Variants in SMARCD1 observed in about 807,000 individuals in gnomAD.
The protein encoded by SMARCD1 is SWI/SNF related BAF chromatin remodeling complex subunit D1, also known as SWI/SNF-related matrix-associated actin-dependent regulator of chromatin subfamily D member 1.
In SMARCD1, 16 loss-of-function variants were observed where a neutral mutation model predicts 70.8. That is an observed-to-expected ratio of 0.23 (90% CI 0.15 to 0.34). The LOEUF (loss-of-function observed/expected upper bound fraction) is 0.34. Ranked by LOEUF, SMARCD1 falls within the 10% of genes least tolerant of loss-of-function variation. SMARCD1 has a pLI of 1.00. For missense variants in SMARCD1, 409 were observed against 655.5 expected (o/e 0.62, Z 4.11); for synonymous variants, 249 against 246.0 (o/e 1.01, Z -0.11).
intron 10 of SMARCD1, 41 bp downstream of exon 10, chr12:50,094,613 C>G (rs1220137813): frequency 1.3e-6 from 2 of 1,589,486 alleles, no homozygotes. Context: ...CCACCAGCCC[C>G]TATCACAGCT....
In SMARCD1 at chr12:50,099,971, A is replaced by T. The variant is rs1211734728; in HGVS notation, c.*971A>T. 2 of 152,678 alleles carry T rather than the reference A, an allele frequency of 1.3e-5. No homozygotes were observed. The highest frequency in any genetic ancestry group is 4.8e-5 in the African/African-American group (2 of 41,438). The allele number at this position is 152,678 out of a possible 1,614,324, so 9.5% of individuals were successfully genotyped here. Reference sequence around the variant, plus strand: ...CAGTTGACACCTACTGGTGACTTCTAGGGCACTGAGGAGTGAAAGCGCCTA... The same window carrying T: ...CAGTTGACACCTACTGGTGACTTCTTGGGCACTGAGGAGTGAAAGCGCCTA... On this transcript the variant is annotated 3_prime_UTR_variant, in exon 13 of 13. Coordinates refer to ENST00000394963, the MANE Select transcript of SMARCD1 (RefSeq NM_003076.5).
rs1192299426 is a variant in SMARCD1, at chr12:50,094,508, C to A, written c.1205C>A (p.Thr402Asn). The A allele has an allele frequency of 6.2e-7, 1 of 1,613,844 alleles. No homozygotes were observed. The highest frequency in any genetic ancestry group is 1.1e-5 in the South Asian group (1 of 91,078). ...IDVEVDDTLK[T>N]QMNSFLLSTA... ...GTTGAAGTGGATGACACCTTGAAGA[C>A]CCAGATGAATTCTTTTCTGCTGTCC... is the stretch of plus-strand genomic sequence containing the variant. Residue 402 changes from threonine (T) to asparagine (N), a missense_variant, in exon 10 of 13, where the codon ACC becomes AAC. Physicochemically the swap from Thr to Asn is moderately conservative, Grantham distance 65. Around this residue, in one of 2 missense-constraint regions of SMARCD1, gnomAD observed 269 missense variants for 498.6 expected, o/e 0.54. Coordinates refer to ENST00000394963, the MANE Select transcript of SMARCD1 (RefSeq NM_003076.5).
In SMARCD1 at chr12:50,100,364, A is replaced by C. The variant is rs1321764425; in HGVS notation, c.*1364A>C. ...TCCTGCGAGCACACCCCCACCCCCA[A>C]ATCCCTCCCTGTTCTACACTGGGGA... On this transcript the variant is annotated 3_prime_UTR_variant, in exon 13 of 13. Coordinates refer to ENST00000394963, the MANE Select transcript of SMARCD1 (RefSeq NM_003076.5). The C allele has an allele frequency of 7.4e-6, 1 of 134,924 alleles. No individual in the cohort carries two copies. 8.4% of individuals were successfully genotyped at this position (134,924 alleles called of 1,614,324 possible).
chr12:50,095,768 G>A (rs1303687620), intron 10 of SMARCD1, among the ~76,000 whole-genome samples: 1 of 152,222 alleles, frequency 6.6e-6, no homozygotes, highest in African/African-American at 2.4e-5. Flanking sequence ...AGAGCCTGGT[G>A]TCTTAAAGAA....
chr12:50,096,957 G>C lies in SMARCD1; in HGVS notation c.1377G>C (p.Gln459His). Reference protein sequence around the residue: ...QGFINDWLQSQCRDLKTMTDV... With the variant: ...QGFINDWLQSHCRDLKTMTDV... ...TCATCAATGACTGGCTTCAGTCCCA[G>C]TGCAGGGACCTCAAGGTAAAGAACC... Residue 459 changes from glutamine to histidine, a missense_variant, in exon 11 of 13, where the codon CAG (glutamine) becomes CAC (histidine). Physicochemically the swap from Gln to His is conservative, Grantham distance 24 (BLOSUM62 0). Around this residue, in one of 2 missense-constraint regions of SMARCD1, gnomAD observed 269 missense variants for 498.6 expected, o/e 0.54. Coordinates refer to ENST00000394963, the MANE Select transcript of SMARCD1 (RefSeq NM_003076.5). 1 of 1,613,832 alleles carries C rather than the reference G, an allele frequency of 6.2e-7. No individual in the cohort carries two copies. The highest frequency in any genetic ancestry group is 8.5e-7 in the Non-Finnish European group (1 of 1,179,790).
In SMARCD1 at chr12:50,099,248, C is replaced by T. The variant is rs1950919022; in HGVS notation, c.*248C>T. The stretch of plus-strand genomic sequence containing the variant: ...TGTGCCTGTACCCTCCCCTGGTCTA[C>T]ATAGGACCTCTAGATAGTGTTAGAG... On this transcript the variant is annotated 3_prime_UTR_variant, in exon 13 of 13. Transcript: ENST00000394963. 31 of 606,110 alleles carry T rather than the reference C, an allele frequency of 5.1e-5. 2 individuals are homozygous for T. The South Asian group carries it at 5.5e-4, about 11-fold the overall frequency. The allele number at this position is 606,110 out of a possible 1,614,324, so 37.5% of individuals were successfully genotyped here.
chr12:50,086,234 A>C lies in SMARCD1; in HGVS notation c.251A>C (p.Asn84Thr), dbSNP rs372851900. ...ATGGGACCCCCTGGCTATGGGGGGA[A>C]CCCTTCAGTCCGACCTGGCCTGGCC... ...PSMGPPGYGG[N>T]PSVRPGLAQS... Residue 84 changes from asparagine (N) to threonine (T), a missense_variant, in exon 2 of 13, where the codon AAC becomes ACC. Physicochemically the swap from Asn to Thr is moderately conservative, Grantham distance 65. This residue lies in a region of SMARCD1 where 140 missense variants were observed against 156.9 expected (regional missense o/e 0.89). Transcript: ENST00000394963. The C allele has an allele frequency of 6.2e-7, 1 of 1,612,448 alleles. No homozygotes were observed. Among genetic ancestry groups the C allele is most frequent in the South Asian group, 1.1e-5 (1 of 90,946 alleles).
intron 9 of SMARCD1, among the ~76,000 whole-genome samples, chr12:50,093,348 G>T (rs563384077): frequency 4.6e-5 from 7 of 151,816 alleles, no homozygotes; most frequent in Admixed American, 3.9e-4. Flanking sequence ...ACCACTTTTT[G>T]TATTGAGGTT....
Position 50,088,586 on chromosome 12 carries a change from G to A in SMARCD1, c.720G>A (p.Leu240=), listed in dbSNP as rs1328209015. ...AGTTCTCTTCCTTTTTTAAGTCCTT[G>A]GTGATTGAACTGGACAAAGACCTGT... The part of the protein sequence containing the change: ...KRKFSSFFKS[L]VIELDKDLYG... Residue 240 remains leucine (L), a synonymous_variant, in exon 6 of 13, where the codon TTG becomes TTA. Transcript: ENST00000394963. The A allele has an allele frequency of 6.2e-7, 1 of 1,611,900 alleles. No individual in the cohort carries two copies. Among genetic ancestry groups the A allele is most frequent in the Non-Finnish European group, 8.5e-7 (1 of 1,178,540 alleles).
chr12:50,086,046 C>T lies in SMARCD1; in HGVS notation c.178-115C>T, dbSNP rs139261655. On this transcript the variant is annotated intron_variant, in intron 1 of 12. Coordinates refer to ENST00000394963, the MANE Select transcript of SMARCD1 (RefSeq NM_003076.5). ...AAAGGGTTCTCCTCTCATTGTCCTCCATTCCATCCCTAAACCTTACTTCAT... is the reference window on the plus strand; with the variant it reads ...AAAGGGTTCTCCTCTCATTGTCCTCTATTCCATCCCTAAACCTTACTTCAT... The T allele has an allele frequency of 2.1e-3, 1,539 of 743,880 alleles. 13 individuals are homozygous for T. In the African/African-American group the frequency reaches 0.024, roughly 12 times the overall value. The allele number at this position is 743,880 out of a possible 1,614,324, so 46.1% of individuals were successfully genotyped here.
intron 10 of SMARCD1, among the ~76,000 whole-genome samples, chr12:50,096,223 T>C (rs76895947): frequency 0.013 from 1,908 of 152,160 alleles, 37 homozygotes; most frequent in African/African-American, 0.044. Context: ...GAGAAGGAAA[T>C]GTTATGATGC....
chr12:50,090,508 C>T lies in SMARCD1; in HGVS notation c.1051C>T (p.Arg351Cys), dbSNP rs1253128772. The change falls in exon 9 of 13, where the codon CGT becomes TGT. Residue 351 changes from arginine (R) to cysteine (C), a missense_variant. Physicochemically the swap from Arg to Cys is radical, Grantham distance 180. Transcript: ENST00000394963. ...TTTGCTACAGATCTTTGAGTCTCAACGTATGAAGTTTTCAGAGATCCCTCA... is the reference window on the plus strand; with the variant it reads ...TTTGCTACAGATCTTTGAGTCTCAATGTATGAAGTTTTCAGAGATCCCTCA... ...KYLQQIFESQRMKFSEIPQRL... is the reference protein window; with the variant it reads ...KYLQQIFESQCMKFSEIPQRL... 2 of 1,614,016 alleles carry T rather than the reference C, an allele frequency of 1.2e-6. No homozygotes were observed. Among genetic ancestry groups the T allele is most frequent in the African/African-American group, 1.3e-5 (1 of 75,050 alleles).
Position 50,097,502 on chromosome 12 carries a change from A to C in SMARCD1, c.1392+530A>C, listed in dbSNP as rs550245041. Reference sequence around the variant, plus strand: ...AGGAAGCAGAGGTTGCAGTGAGCCAAGATCGTGCCGCTGCACTCCAGCCTG... The same window carrying C: ...AGGAAGCAGAGGTTGCAGTGAGCCACGATCGTGCCGCTGCACTCCAGCCTG... On this transcript the variant is annotated intron_variant, in intron 11 of 12. Coordinates refer to ENST00000394963, the MANE Select transcript of SMARCD1 (RefSeq NM_003076.5). Among the ~76,000 whole-genome samples, 34 of 152,204 alleles carry C rather than the reference A, an allele frequency of 2.2e-4. No individual in the cohort carries two copies. The South Asian group carries it at 3.7e-3, about 17-fold the overall frequency.
intron 9 of SMARCD1, among the ~76,000 whole-genome samples, chr12:50,091,057 G>A (rs1000071579): frequency 7.9e-5 from 12 of 151,632 alleles, no homozygotes; most frequent in African/African-American, 2.9e-4. Context: ...ATCTGACCTC[G>A]TGATCTGCCC....
In SMARCD1 at chr12:50,088,579, A is replaced by C; in HGVS notation, c.713A>C (p.Lys238Thr). Residue 238 changes from lysine (K) to threonine (T), a missense_variant, in exon 6 of 13, where the codon AAG becomes ACG. Lys to Thr is a moderately conservative substitution (Grantham distance 78). Around this residue, in one of 2 missense-constraint regions of SMARCD1, gnomAD observed 269 missense variants for 498.6 expected, o/e 0.54. Coordinates refer to ENST00000394963, the MANE Select transcript of SMARCD1 (RefSeq NM_003076.5). ...AAGAGGAAGTTCTCTTCCTTTTTTAAGTCCTTGGTGATTGAACTGGACAAA... is the reference window on the plus strand; with the variant it reads ...AAGAGGAAGTTCTCTTCCTTTTTTACGTCCTTGGTGATTGAACTGGACAAA... ...KQKRKFSSFFKSLVIELDKDL... is the reference protein window; with the variant it reads ...KQKRKFSSFFTSLVIELDKDL... 6.2e-7 allele frequency: 1 copy of C among 1,612,360 alleles called. No homozygotes were observed.
At chr12:50,090,434 C>G (rs550715435) in intron 8 of SMARCD1, 32 bp downstream of exon 8, 1 of 1,613,390 alleles carries the variant, frequency 6.2e-7, no homozygotes, top group Non-Finnish European at 8.5e-7. Flanking sequence ...TTGCTAGAAT[C>G]CATTAGAACA....
rs573722213 is a variant in SMARCD1, at chr12:50,099,712, C to G, written c.*712C>G. 1.3e-4 allele frequency: 23 copies of G among 178,398 alleles called. 1 individual carries two copies. Among genetic ancestry groups the G allele is most frequent in the African/African-American group, 4.4e-4 (19 of 42,698 alleles). The allele number at this position is 178,398 out of a possible 1,614,324, so 11.1% of individuals were successfully genotyped here. On this transcript the variant is annotated 3_prime_UTR_variant, in exon 13 of 13. Coordinates refer to ENST00000394963, the MANE Select transcript of SMARCD1 (RefSeq NM_003076.5). ...CCCTTTGTGATTCCCTCAGATCTGC[C>G]CTAATCCCGGGCATTTGGGTGGGGG... is the stretch of plus-strand genomic sequence containing the variant.
intron 11 of SMARCD1, 53 bp from the exon 12 acceptor site, chr12:50,098,661 A>G (rs1482901523): frequency 8.3e-6 from 12 of 1,440,628 alleles, no homozygotes; most frequent in Non-Finnish European, 9.8e-6. Flanking sequence ...GAAGGAAGGA[A>G]ACAAGCCTTT....
Position 50,094,512 on chromosome 12 carries a change from G to A in SMARCD1, c.1209G>A (p.Gln403=), listed in dbSNP as rs1267197321. 6.2e-7 allele frequency: 1 copy of A among 1,614,076 alleles called. No homozygotes were observed. Among genetic ancestry groups the A allele is most frequent in the Admixed American group, 1.7e-5 (1 of 60,010 alleles). The part of the protein sequence containing the change: ...DVEVDDTLKT[Q]MNSFLLSTAS... Reference sequence around the variant, plus strand: ...AAGTGGATGACACCTTGAAGACCCAGATGAATTCTTTTCTGCTGTCCACTG... The same window carrying A: ...AAGTGGATGACACCTTGAAGACCCAAATGAATTCTTTTCTGCTGTCCACTG... Residue 403 remains glutamine (Q), a synonymous_variant, in exon 10 of 13, where the codon CAG becomes CAA. Transcript: ENST00000394963.
Sources: allele counts gnomAD v4.1 joint callset (sites outside exome capture counted in the v4.1 genomes callset), GRCh38; gene constraint gnomAD v4.1.1; regional missense constraint gnomAD v4.1.1; transcripts MANE v1.5; gene names NCBI Gene and HGNC (gene_info 2026-07-23, HGNC 2026-07-21).